PDIA6: variants seen among roughly 807,000 people sequenced by gnomAD.
PDIA6 encodes protein disulfide-isomerase A6.
A neutral mutation model predicts 58.4 loss-of-function variants in PDIA6; 29 were observed. The ratio of observed to expected loss-of-function variants is 0.50; its 90% CI spans 0.37 to 0.68. The LOEUF (loss-of-function observed/expected upper bound fraction) is 0.68, where lower values mean the gene tolerates loss of function less well. Among genes scored for constraint, PDIA6 ranks in the 30% least tolerant of loss-of-function variants. The probability of loss-of-function intolerance (pLI) is 0.00; values close to 1 mark genes in which losing one functional copy is unlikely to be tolerated. For missense variants in PDIA6, 480 were observed against 551.0 expected (o/e 0.87, Z 1.29); for synonymous variants, 192 against 202.6 (o/e 0.95, Z 0.44).
upstream of PDIA6, among the ~76,000 whole-genome samples, chr2:10,833,988 G>A (rs979797868): frequency 1.2e-4 from 18 of 152,222 alleles, no homozygotes; most frequent in Non-Finnish European, 2.5e-4. Flanking sequence ...GTTGCCACAC[G>A]GAAGCGGAAT....
At chr2:10,793,833 T>G (rs575232682) in intron 4 of PDIA6, among the ~76,000 whole-genome samples, 2 of 152,306 alleles carry the variant, frequency 1.3e-5, no homozygotes, top group South Asian at 4.1e-4. Flanking sequence ...AAGGAACAAT[T>G]TCTGTGAGAT....
At chr2:10,794,306 C>T (rs556053161) in intron 4 of PDIA6, among the ~76,000 whole-genome samples, 1 of 151,642 alleles carries the variant, frequency 6.6e-6, no homozygotes, top group Admixed American at 6.6e-5. Flanking sequence ...ATTAGCTGGG[C>T]GTGGTGGTGG....
intron 1 of PDIA6, among the ~76,000 whole-genome samples, chr2:10,803,109 A>AT (rs1193714008): frequency 2.6e-5 from 4 of 152,224 alleles, no homozygotes; most frequent in Admixed American, 1.3e-4. Context: ...AGGGAAAATA[A>AT]TTATTGTCTC....
At chr2:10,819,332 G>T in exon 2 of PDIA6, 1 of 1,538,294 alleles carries the variant, frequency 6.5e-7, no homozygotes, top group Non-Finnish European at 8.8e-7. Context: ...TTGATAGGGA[G>T]TGGGCAGGAG....
upstream of PDIA6, among the ~76,000 whole-genome samples, chr2:10,817,650 T>C (rs1422567550): frequency 6.6e-6 from 1 of 152,222 alleles, no homozygotes; most frequent in Non-Finnish European, 1.5e-5. Flanking sequence ...AGCCAGGTCC[T>C]GTTCCTCTTC....
chr2:10,814,383 C>T (rs545270606), upstream of PDIA6, among the ~76,000 whole-genome samples: 35 of 152,310 alleles, frequency 2.3e-4, no homozygotes, highest in African/African-American at 7.5e-4. Flanking sequence ...CTTGGTACCC[C>T]GGGCAGCTCC....
chr2:10,788,185 C>A (rs2148534083), intron 10 of PDIA6, among the ~76,000 whole-genome samples: 1 of 152,286 alleles, frequency 6.6e-6, no homozygotes, highest in African/African-American at 2.4e-5. Flanking sequence ...TCTCACCCAG[C>A]CTTCAAGTTC....
At chr2:10,791,280 A>T (rs914944639) in intron 6 of PDIA6, among the ~76,000 whole-genome samples, 2 of 151,578 alleles carry the variant, frequency 1.3e-5, no homozygotes, top group Non-Finnish European at 2.9e-5. Context: ...AGTAGCTGGG[A>T]CTACAGGCAC....
rs1243235245 is a variant in PDIA6, at chr2:10,793,274, CTG to C, written c.347-74_347-73del. On this transcript the variant is annotated intron_variant, in intron 4 of 12. Coordinates refer to ENST00000272227, the MANE Select transcript of PDIA6 (RefSeq NM_005742.4). The stretch of plus-strand genomic sequence containing the variant: ...GTGCCTCATCTGGCCCGGCCCAAGA[CTG>C]TGTCTTTACCTCACTGTCGGCTTCA... The C allele has an allele frequency of 2.3e-5, 23 of 992,328 alleles. No individual in the cohort carries two copies. The East Asian group carries it at 2.5e-4, about 11-fold the overall frequency. The allele number at this position is 992,328 out of a possible 1,614,324, so 61.5% of individuals were successfully genotyped here. A position where few individuals can be genotyped will look rare whatever the true frequency, so the allele number is the denominator to read the frequency against.
At chr2:10,793,253 C>T (rs1291032974) in intron 4 of PDIA6, 51 bp from the exon 5 acceptor site, 1 of 1,255,154 alleles carries the variant, frequency 8.0e-7, no homozygotes, top group Non-Finnish European at 1.2e-6. Context: ...CAGCAAGTGC[C>T]TCATCTGGCC....
intron 2 of PDIA6, 70 bp from the exon 3 acceptor site, chr2:10,797,827 C>T (rs1666334546): frequency 1.3e-5 from 16 of 1,279,798 alleles, no homozygotes; most frequent in African/African-American, 1.5e-5. Context: ...TTCAAAAATT[C>T]AATTAAAAAA....
upstream of PDIA6, among the ~76,000 whole-genome samples, chr2:10,816,883 C>T (rs143347457): frequency 6.6e-6 from 1 of 152,142 alleles, no homozygotes. Context: ...TGCCCAAGAC[C>T]CACACTGGGC....
upstream of PDIA6, among the ~76,000 whole-genome samples, chr2:10,834,413 C>A (rs1425592713): frequency 6.6e-6 from 1 of 151,806 alleles, no homozygotes; most frequent in East Asian, 1.9e-4. Flanking sequence ...GGGCTGGCCA[C>A]CCTCCCTCCC....
chr2:10,827,781 G>A (rs1667590123), intron 1 of PDIA6, among the ~76,000 whole-genome samples: 1 of 149,114 alleles, frequency 6.7e-6, no homozygotes, highest in Non-Finnish European at 1.5e-5. Context: ...CCGAGATCAC[G>A]CCACTGCACT....
upstream of PDIA6, among the ~76,000 whole-genome samples, chr2:10,835,911 C>T (rs148643576): frequency 0.013 from 1,937 of 152,204 alleles, 67 homozygotes; most frequent in Admixed American, 0.063. Flanking sequence ...ATTAGCTGGG[C>T]GTGGTGGCGG....
rs1337791975 is a variant in PDIA6 at position 10,783,806 on chromosome 2, A to G, written c.*452T>C. 6.4e-6 allele frequency: 1 copy of G among 156,774 alleles called. No homozygotes were observed. The highest frequency in any genetic ancestry group is 6.3e-5 in the Admixed American group (1 of 15,932). 9.7% of individuals were successfully genotyped at this position (156,774 alleles called of 1,614,324 possible). A position where few individuals can be genotyped will look rare whatever the true frequency, so the allele number is the denominator to read the frequency against. ...GTGTATCACTTCAAAATATTGATTT[A>G]CTGCTAAACATCACTCTGAATTTAT... On this transcript the variant is annotated 3_prime_UTR_variant, in exon 13 of 13. Coordinates refer to ENST00000272227, the MANE Select transcript of PDIA6 (RefSeq NM_005742.4).
chr2:10,831,147 C>A (rs1284209417), intron 1 of PDIA6, among the ~76,000 whole-genome samples: 1 of 152,220 alleles, frequency 6.6e-6, no homozygotes, highest in African/African-American at 2.4e-5. Flanking sequence ...TCACCCTTGG[C>A]ACTTGGAGCC....
chr2:10,795,913 C>T (rs574148109), intron 4 of PDIA6, among the ~76,000 whole-genome samples: 3 of 152,292 alleles, frequency 2.0e-5, no homozygotes, highest in African/African-American at 7.2e-5. Flanking sequence ...CTCATATGTT[C>T]CATATAAATC....
At chr2:10,826,116 A>G (rs1241285928) in intron 1 of PDIA6, among the ~76,000 whole-genome samples, 4 of 152,266 alleles carry the variant, frequency 2.6e-5, no homozygotes, top group Non-Finnish European at 4.4e-5. Flanking sequence ...GCCATGCTAT[A>G]CAACGGAAAT....
Sources: gnomAD v4.1 joint callset for allele counts (sites outside exome capture counted in the v4.1 genomes callset) on GRCh38, gnomAD v4.1.1 for gene constraint, MANE v1.5 for transcripts, NCBI Gene and HGNC (gene_info 2026-07-23, HGNC 2026-07-21) for gene names.